Variants in KLHL7 observed in about 807,000 individuals in gnomAD.
KLHL7 encodes the protein kelch like family member 7.
Under a neutral mutation model 67.4 loss-of-function variants are expected in KLHL7, and 44 were observed. The ratio of observed to expected loss-of-function variants is 0.65; its 90% CI spans 0.51 to 0.84. The LOEUF (loss-of-function observed/expected upper bound fraction) is 0.84, where lower values mean the gene tolerates loss of function less well. KLHL7 is among the 40% of genes least tolerant of loss of function. The pLI is 0.00. For missense variants in KLHL7, 362 were observed against 718.1 expected (o/e 0.50, Z 5.67); for synonymous variants, 252 against 243.3 (o/e 1.04, Z -0.33).
chr7:23,127,080 A>G (rs1023295327), intron 4 of KLHL7, among the ~76,000 whole-genome samples: 9 of 152,202 alleles, frequency 5.9e-5, no homozygotes, highest in African/African-American at 2.2e-4. Context: ...TCTTCAGACA[A>G]TACTATAAAC....
intron 6 of KLHL7, among the ~76,000 whole-genome samples, chr7:23,147,383 G>A (rs776873225): frequency 2.6e-5 from 4 of 152,084 alleles, no homozygotes; most frequent in Admixed American, 2.6e-4. Flanking sequence ...AGCCACCAAC[G>A]CTGGCCTACC....
chr7:23,111,137 G>C (rs1483897149), intron 1 of KLHL7, among the ~76,000 whole-genome samples: 1 of 152,140 alleles, frequency 6.6e-6, no homozygotes, highest in Non-Finnish European at 1.5e-5. Flanking sequence ...ATGGTACAAC[G>C]AGGGCATATG....
At chr7:23,114,784 C>T (rs533368652) in intron 1 of KLHL7, among the ~76,000 whole-genome samples, 12 of 152,222 alleles carry the variant, frequency 7.9e-5, no homozygotes, top group Admixed American at 2.6e-4. Flanking sequence ...GCTGGCAATT[C>T]ACTTCTATTT....
At chr7:23,166,796 T>C (rs1039980958) in intron 8 of KLHL7, among the ~76,000 whole-genome samples, 1 of 152,198 alleles carries the variant, frequency 6.6e-6, no homozygotes, top group Non-Finnish European at 1.5e-5. Flanking sequence ...GTAACTGTTC[T>C]GTGGTACTGC....
intron 6 of KLHL7, among the ~76,000 whole-genome samples, chr7:23,150,214 A>G (rs1188325457): frequency 6.6e-6 from 1 of 152,150 alleles, no homozygotes; most frequent in African/African-American, 2.4e-5. Context: ...AATATTGTAC[A>G]ATTCAAAAGG....
chr7:23,123,466 G>A (rs537201846), intron 1 of KLHL7, among the ~76,000 whole-genome samples: 3 of 147,460 alleles, frequency 2.0e-5, no homozygotes, highest in Non-Finnish European at 4.5e-5. Context: ...CATGAGAAAT[G>A]TCCTAGAATC....
chr7:23,141,143 T>C lies in KLHL7; in HGVS notation c.618+199T>C, dbSNP rs182961594. Among the ~76,000 whole-genome samples the C allele has an allele frequency of 3.3e-5, 5 of 152,324 alleles. No individual in the cohort carries two copies. The East Asian group carries it at 9.6e-4, about 29-fold the overall frequency. On this transcript the variant is annotated intron_variant, in intron 5 of 10. Transcript: ENST00000339077. Reference sequence around the variant, plus strand: ...AGGCCACTTCATAGAGATAAAGCCATTGGGTACCATGGTAGGCAGAACAAT... The same window carrying C: ...AGGCCACTTCATAGAGATAAAGCCACTGGGTACCATGGTAGGCAGAACAAT...
At chr7:23,123,108 T>C (rs983524329) in intron 1 of KLHL7, among the ~76,000 whole-genome samples, 1 of 152,246 alleles carries the variant, frequency 6.6e-6, no homozygotes. Context: ...CAGAGCTGCC[T>C]TCTTTAAGCA....
Position 23,106,081 on chromosome 7 carries a change from G to C in KLHL7, c.55G>C (p.Ala19Pro). 1.2e-6 allele frequency: 2 copies of C among 1,609,112 alleles called. No homozygotes were observed. The highest frequency in any genetic ancestry group is 1.7e-6 in the Non-Finnish European group (2 of 1,178,120). The change falls in exon 1 of 11, where the codon GCT becomes CCT. Residue 19 changes from alanine (A) to proline (P), a missense_variant. Ala to Pro is a conservative substitution (Grantham distance 27). Coordinates refer to ENST00000339077, the MANE Select transcript of KLHL7 (RefSeq NM_001031710.3). ...CAAGAAGAAGACCGAGAAGAAACTT[G>C]CTGCTCGGGAAGAAGCTAAATTGTT... ...SSKKKTEKKL[A>P]AREEAKLLAG...
intron 6 of KLHL7, 127 bp from the exon 7 acceptor site, chr7:23,151,940 A>G: frequency 2.3e-6 from 2 of 867,938 alleles, no homozygotes; most frequent in Non-Finnish European, 1.9e-6. Flanking sequence ...CACTTTCCTC[A>G]AATGCTATAG....
chr7:23,168,024 C>G lies in KLHL7; in HGVS notation c.1366C>G (p.Pro456Ala), dbSNP rs547015482. 2 of 1,613,750 alleles carry G rather than the reference C, an allele frequency of 1.2e-6. No homozygotes were observed. The highest frequency in any genetic ancestry group is 2.7e-5 in the African/African-American group (2 of 75,028). The change falls in exon 9 of 11, where the codon CCT (proline) becomes GCT (alanine). Residue 456 changes from proline to alanine, a missense_variant. This residue lies in a region of KLHL7 where 136 missense variants were observed against 252.7 expected (regional missense o/e 0.54). Transcript: ENST00000339077. ...RVLNSCEVYD[P>A]ATETWTELCP... is the part of the protein sequence containing the mutation. ...GCTTAATTCCTGTGAAGTTTATGATCCTGCCACAGAAACGTATGTATCTAT... is the reference window on the plus strand; with the variant it reads ...GCTTAATTCCTGTGAAGTTTATGATGCTGCCACAGAAACGTATGTATCTAT...
At chr7:23,154,849 A>G (rs1045590311) in intron 7 of KLHL7, among the ~76,000 whole-genome samples, 2 of 152,234 alleles carry the variant, frequency 1.3e-5, no homozygotes, top group African/African-American at 4.8e-5. Flanking sequence ...TAAGAAGACT[A>G]TATCTGGCCC....
chr7:23,170,183 C>T (rs1785116554), intron 9 of KLHL7, among the ~76,000 whole-genome samples: 1 of 152,210 alleles, frequency 6.6e-6, no homozygotes, highest in Admixed American at 6.5e-5. Flanking sequence ...CATTGCACTG[C>T]AGCCAGGGCA....
intron 4 of KLHL7, among the ~76,000 whole-genome samples, chr7:23,131,495 T>C (rs1053826625): frequency 1.3e-5 from 2 of 152,194 alleles, no homozygotes; most frequent in Non-Finnish European, 2.9e-5. Flanking sequence ...TATTTTTGTG[T>C]TTGCATGTTT....
At chr7:23,126,131 G>T (rs552194392) in intron 4 of KLHL7, 1 of 444,572 alleles carries the variant, frequency 2.2e-6, no homozygotes, top group African/African-American at 2.0e-5. Context: ...GCAATACTAG[G>T]GTAGTCCACT....
At chr7:23,107,775 G>C (rs1399206389) in intron 1 of KLHL7, among the ~76,000 whole-genome samples, 1 of 152,196 alleles carries the variant, frequency 6.6e-6, no homozygotes, top group East Asian at 1.9e-4. Context: ...TAATCTGCCA[G>C]GTTCTCCTGT....
intron 1 of KLHL7, among the ~76,000 whole-genome samples, chr7:23,112,201 T>G (rs1300852635): frequency 1.3e-5 from 2 of 152,204 alleles, no homozygotes; most frequent in East Asian, 3.8e-4. Flanking sequence ...AAGGTGTCAC[T>G]TATGATCTCT....
chr7:23,144,683 C>T (rs1448161839), intron 6 of KLHL7, among the ~76,000 whole-genome samples: 1 of 152,292 alleles, frequency 6.6e-6, no homozygotes, highest in East Asian at 1.9e-4. Context: ...TGGATCCTGG[C>T]TGTCCTCTAC....
chr7:23,116,650 A>G (rs1372728994), intron 1 of KLHL7, among the ~76,000 whole-genome samples: 1 of 152,290 alleles, frequency 6.6e-6, no homozygotes, highest in East Asian at 1.9e-4. Flanking sequence ...AACTTCCCCT[A>G]GTGGAAAATA....
Sources: gnomAD v4.1 joint callset for allele counts (sites outside exome capture counted in the v4.1 genomes callset) on GRCh38, gnomAD v4.1.1 for gene constraint, gnomAD v4.1.1 regional missense constraint, MANE v1.5 for transcripts, NCBI Gene and HGNC (gene_info 2026-07-23, HGNC 2026-07-21) for gene names.